The following TANC2 variants were observed in gnomAD, a reference collection of about 807,000 sequenced individuals.
TANC2 encodes the protein protein TANC2.
In TANC2, 26 loss-of-function variants were observed where a neutral mutation model predicts 210.5. The observed-to-expected ratio is 0.12, with a 90% CI of 0.09 to 0.17. The LOEUF (loss-of-function observed/expected upper bound fraction) is 0.17, where lower values mean the gene tolerates loss of function less well. Ranked by LOEUF, TANC2 falls within the 10% of genes least tolerant of loss-of-function variation. The pLI is 1.00. For missense variants in TANC2, 2,129 were observed against 2,608.9 expected (o/e 0.82, Z 4.01); for synonymous variants, 931 against 967.1 (o/e 0.96, Z 0.69).
chr17:63,076,336 C>T (rs12935985), intron 3 of TANC2, among the ~76,000 whole-genome samples: 1 of 152,160 alleles, frequency 6.6e-6, no homozygotes, highest in Non-Finnish European at 1.5e-5. Flanking sequence ...ATATCTCTCT[C>T]CTGTTTTCTC....
At chr17:63,053,228 C>T (rs934503163) in intron 2 of TANC2, among the ~76,000 whole-genome samples, 2 of 152,202 alleles carry the variant, frequency 1.3e-5, no homozygotes, top group Non-Finnish European at 2.9e-5. Flanking sequence ...CGTCTTTGTC[C>T]ATGTCTAGTG....
exon 5 of TANC2, chr17:63,151,336 C>A: frequency 1.0e-6 from 1 of 985,866 alleles, no homozygotes; most frequent in Non-Finnish European, 1.2e-6. Flanking sequence ...GGCTCACCAA[C>A]CCTCACTTCA....
rs1255286854 is a variant in TANC2, at chr17:63,400,365, CTTA to C, written c.3331+1454_3331+1456del. On this transcript the variant is annotated intron_variant, in intron 19 of 27. Transcript: ENST00000689528. ...AGAAGGGCGTGAATTAAATGGAGGACTTATTTTTATTGACATGAATTTCTTATT... is the reference window on the plus strand; with the variant it reads ...AGAAGGGCGTGAATTAAATGGAGGACTTTTTATTGACATGAATTTCTTATT... 2.0e-5 allele frequency among the ~76,000 whole-genome samples: 3 copies of C among 152,122 alleles called. No homozygotes were observed. In the East Asian group the frequency reaches 5.8e-4, roughly 29 times the overall value.
chr17:63,037,840 GA>G (rs1444046744), intron 2 of TANC2, among the ~76,000 whole-genome samples: 2 of 151,892 alleles, frequency 1.3e-5, no homozygotes, highest in African/African-American at 4.8e-5. Context: ...ATAAGTATAT[GA>G]TTTTTTTTTT....
exon 13 of TANC2, chr17:63,351,380 G>T: frequency 6.2e-7 from 1 of 1,609,916 alleles, no homozygotes; most frequent in Non-Finnish European, 8.5e-7. Flanking sequence ...TTCCTTCTTG[G>T]CTCAAACTAA....
intron 1 of TANC2, chr17:63,004,542 C>T (rs1394791369): frequency 6.2e-6 from 1 of 161,428 alleles, no homozygotes; most frequent in Non-Finnish European, 1.3e-5. Flanking sequence ...ATATATGCCT[C>T]TTCCCCAAAA....
In TANC2 at chr17:63,011,291, A is replaced by T. The variant is rs570807011; in HGVS notation, c.67+1665A>T. The stretch of plus-strand genomic sequence containing the variant: ...TCTTATTGAATTCTAGCTTAATTAT[A>T]CTATTATCAGAAAATCTATTCTGTA... On this transcript the variant is annotated intron_variant, in intron 2 of 27. Transcript: ENST00000689528. Among the ~76,000 whole-genome samples, 5 of 151,882 alleles carry T rather than the reference A, an allele frequency of 3.3e-5. No individual in the cohort carries two copies. The East Asian group carries it at 9.7e-4, about 29-fold the overall frequency.
At chr17:63,195,239 G>A (rs2041306557) in intron 6 of TANC2, among the ~76,000 whole-genome samples, 1 of 152,026 alleles carries the variant, frequency 6.6e-6, no homozygotes, top group Non-Finnish European at 1.5e-5. Flanking sequence ...CTTGAAATTT[G>A]TATATTTAGC....
At chr17:62,980,176 T>G (rs2032230344) in intron 1 of TANC2, among the ~76,000 whole-genome samples, 1 of 152,180 alleles carries the variant, frequency 6.6e-6, no homozygotes, top group Non-Finnish European at 1.5e-5. Flanking sequence ...TGAGCTCTCT[T>G]CCTGAGGGCA....
intron 14 of TANC2, among the ~76,000 whole-genome samples, chr17:63,378,434 C>T (rs1157454482): frequency 6.6e-6 from 1 of 151,748 alleles, no homozygotes; most frequent in Non-Finnish European, 1.5e-5. Context: ...ATAGATTAAA[C>T]AGAACAGAAA....
In TANC2 at chr17:63,398,997, A is replaced by G. The variant is rs1256799036; in HGVS notation, c.3331+83A>G. The G allele has an allele frequency of 5.8e-6, 6 of 1,038,136 alleles. No individual in the cohort carries two copies. In the Admixed American group the frequency reaches 9.2e-5, roughly 16 times the overall value. The allele number at this position is 1,038,136 out of a possible 1,614,324, so 64.3% of individuals were successfully genotyped here. On this transcript the variant is annotated intron_variant, in intron 19 of 27. Transcript: ENST00000689528. ...CTCACCCCCTTATTTTTTCCCTGGC[A>G]TACATTTGGCAGTCTTCTGTCTCAG...
chr17:63,409,894 G>A (rs2048636193), intron 21 of TANC2, among the ~76,000 whole-genome samples: 2 of 152,140 alleles, frequency 1.3e-5, no homozygotes, highest in African/African-American at 4.8e-5. Context: ...CTTCTGTTGG[G>A]ATTTTATTTT....
intron 4 of TANC2, among the ~76,000 whole-genome samples, chr17:63,122,370 C>T (rs1289158004): frequency 6.6e-6 from 1 of 152,092 alleles, no homozygotes; most frequent in African/African-American, 2.4e-5. Flanking sequence ...AAAGTTATGT[C>T]ATTTAGAAGG....
intron 4 of TANC2, among the ~76,000 whole-genome samples, chr17:63,104,206 T>C (rs760135976): frequency 9.9e-5 from 15 of 152,228 alleles, no homozygotes; most frequent in Non-Finnish European, 1.9e-4. Flanking sequence ...TTGGGGGCGA[T>C]GTGGAAAAGA....
intron 1 of TANC2, among the ~76,000 whole-genome samples, chr17:62,985,041 C>T (rs928587501): frequency 5.9e-5 from 9 of 152,162 alleles, no homozygotes; most frequent in African/African-American, 1.7e-4. Context: ...AACTCTCCAG[C>T]GCTGACAGTG....
At chr17:63,165,966 G>A (rs928886506) in intron 5 of TANC2, among the ~76,000 whole-genome samples, 1 of 152,192 alleles carries the variant, frequency 6.6e-6, no homozygotes, top group African/African-American at 2.4e-5. Context: ...AAGCACTGAA[G>A]GTTCTTGAGC....
At chr17:63,086,778 C>T in intron 3 of TANC2, among the ~76,000 whole-genome samples, 1 of 143,888 alleles carries the variant, frequency 6.9e-6, no homozygotes, top group East Asian at 1.9e-4. Flanking sequence ...CATTAGTGCT[C>T]TGTAGCTAGC....
chr17:63,255,268 A>G (rs2146188574), intron 8 of TANC2, among the ~76,000 whole-genome samples: 1 of 151,602 alleles, frequency 6.6e-6, no homozygotes, highest in East Asian at 1.9e-4. Flanking sequence ...AATTTTTTGT[A>G]TTTTTAGTAG....
intron 8 of TANC2, among the ~76,000 whole-genome samples, chr17:63,260,045 T>A (rs1356990301): frequency 6.6e-6 from 1 of 152,154 alleles, no homozygotes; most frequent in African/African-American, 2.4e-5. Context: ...TTTGAAGCCA[T>A]AAAACAGAAT....
Sources: gnomAD v4.1 joint callset for allele counts (sites outside exome capture counted in the v4.1 genomes callset) on GRCh38, gnomAD v4.1.1 for gene constraint, MANE v1.5 for transcripts, NCBI Gene and HGNC (gene_info 2026-07-23, HGNC 2026-07-21) for gene names.